Variants in CEMIP2 observed in about 807,000 individuals in gnomAD.
CEMIP2 encodes the protein cell migration inducing hyaluronidase 2.
A neutral mutation model predicts 146.9 loss-of-function variants in CEMIP2; 79 were observed. The ratio of observed to expected loss-of-function variants is 0.54; its 90% confidence interval spans 0.45 to 0.65. The LOEUF (loss-of-function observed/expected upper bound fraction) is 0.65, where lower values mean the gene tolerates loss of function less well. Ranked by LOEUF, CEMIP2 falls within the 30% of genes least tolerant of loss-of-function variation. The pLI, the probability that CEMIP2 is intolerant of heterozygous loss-of-function variation, is 0.00. For missense variants in CEMIP2, 1,596 were observed against 1,696.2 expected (o/e 0.94, Z 1.04); for synonymous variants, 601 against 606.3 (o/e 0.99, Z 0.13).
At chr9:71,698,253 CTT>C in intron 19 of CEMIP2, 49 bp from the exon 20 acceptor site, 1 of 1,550,296 alleles carries the variant, frequency 6.5e-7, no homozygotes, top group Admixed American at 1.8e-5. Flanking sequence ...TTCTCAAAAA[CTT>C]ACAAAATTCC....
chr9:71,747,950 A>G (rs1051980090), intron 2 of CEMIP2, among the ~76,000 whole-genome samples: 1 of 152,188 alleles, frequency 6.6e-6, no homozygotes, highest in African/African-American at 2.4e-5. Context: ...ATTATACTAA[A>G]AACAATCTTT....
intron 21 of CEMIP2, 130 bp from the exon 22 acceptor site, chr9:71,690,376 G>T: frequency 8.3e-7 from 1 of 1,200,742 alleles, no homozygotes; most frequent in Non-Finnish European, 1.1e-6. Flanking sequence ...GATTCAAATT[G>T]TGTGCTTCAC....
intron 5 of CEMIP2, among the ~76,000 whole-genome samples, chr9:71,738,878 A>G (rs1221742519): frequency 1.3e-5 from 2 of 152,120 alleles, no homozygotes; most frequent in Non-Finnish European, 2.9e-5. Context: ...TTTTGATTTG[A>G]AAGATCACTA....
intron 12 of CEMIP2, among the ~76,000 whole-genome samples, chr9:71,721,619 T>C (rs961577071): frequency 2.2e-4 from 34 of 152,244 alleles, no homozygotes; most frequent in African/African-American, 7.5e-4. Flanking sequence ...GTGTGCTTCC[T>C]ACTTGATTCT....
chr9:71,690,229 A>G lies in CEMIP2; in HGVS notation c.3714T>C (p.Phe1238=), dbSNP rs201316098. Reference sequence around the variant, plus strand: ...GGAGGACGCCTGCACTTCGGAAGGTAAAGTCAGTGCCATTGACCTGAGAAT... The same window carrying G: ...GGAGGACGCCTGCACTTCGGAAGGTGAAGTCAGTGCCATTGACCTGAGAAT... The part of the protein sequence containing the change: ...PSVISVNGTD[F]TFRSAGVLLL... The change falls in exon 22 of 24, where the codon TTT becomes TTC. Residue 1238 remains phenylalanine, a synonymous_variant. Transcript: ENST00000377044. The G allele has an allele frequency of 2.0e-4, 325 of 1,614,088 alleles. 2 individuals carry two copies. In the East Asian group the frequency reaches 2.4e-3, roughly 12 times the overall value.
chr9:71,762,627 C>T (rs1049343449), intron 1 of CEMIP2, among the ~76,000 whole-genome samples: 1 of 151,926 alleles, frequency 6.6e-6, no homozygotes, highest in African/African-American at 2.4e-5. Context: ...AGATTAAAGC[C>T]AACCTCAGAC....
chr9:71,690,322 T>C (rs1822192455), intron 21 of CEMIP2, 76 bp from the exon 22 acceptor site: 1 of 1,516,194 alleles, frequency 6.6e-7, no homozygotes, highest in Non-Finnish European at 9.0e-7. Context: ...TTTCCGGCCC[T>C]TTCCCTGTGT....
At chr9:71,724,676 T>A (rs1823331077) in intron 11 of CEMIP2, among the ~76,000 whole-genome samples, 1 of 152,090 alleles carries the variant, frequency 6.6e-6, no homozygotes, top group Admixed American at 6.5e-5. Flanking sequence ...AGAGCCAAAT[T>A]TCATGAAAAA....
Position 71,694,619 on chromosome 9 carries a change from A to G in CEMIP2, c.3598-12T>C, listed in dbSNP as rs368678567. ...CTAGTAAACACCACCTAGACAGAGA[A>G]GAAGTTCCATATTTATGGCAACTCT... On this transcript the variant is annotated splice_polypyrimidine_tract_variant and intron_variant, in intron 20 of 23. Transcript: ENST00000377044. 1,328 of 1,583,302 alleles carry G rather than the reference A, an allele frequency of 8.4e-4. 1 individual carries two copies. The highest frequency in any genetic ancestry group is 1.1e-3 in the Non-Finnish European group (1,276 of 1,152,436).
chr9:71,716,680 A>G (rs1261888627), intron 13 of CEMIP2, 128 bp from the exon 14 acceptor site: 1 of 652,338 alleles, frequency 1.5e-6, no homozygotes, highest in African/African-American at 1.9e-5. Flanking sequence ...TGACCACACA[A>G]AAATTTGATT....
At chr9:71,736,811 T>C (rs1402427046) in intron 5 of CEMIP2, among the ~76,000 whole-genome samples, 1 of 152,238 alleles carries the variant, frequency 6.6e-6, no homozygotes, top group Non-Finnish European at 1.5e-5. Flanking sequence ...TTTCAAAAGA[T>C]AGCTGTTTAA....
At chr9:71,756,931 T>C (rs1046436983) in intron 1 of CEMIP2, among the ~76,000 whole-genome samples, 5 of 152,220 alleles carry the variant, frequency 3.3e-5, no homozygotes, top group Non-Finnish European at 7.3e-5. Flanking sequence ...AGCCATTCAA[T>C]GCTGTGATCA....
intron 1 of CEMIP2, among the ~76,000 whole-genome samples, chr9:71,763,719 C>A (rs1041398887): frequency 6.6e-6 from 1 of 152,186 alleles, no homozygotes; most frequent in Non-Finnish European, 1.5e-5. Flanking sequence ...TACTAGGTTA[C>A]CCTAATATTA....
intron 7 of CEMIP2, 24 bp from the exon 8 acceptor site, chr9:71,730,938 A>C (rs772577442): frequency 6.2e-7 from 1 of 1,600,734 alleles, no homozygotes; most frequent in African/African-American, 1.3e-5. Flanking sequence ...TACTAAAATC[A>C]AACTCATACT....
At position 71,750,303 on chromosome 9, in the gene CEMIP2, G is replaced by A; in HGVS notation, c.71C>T (p.Pro24Leu). The A allele has an allele frequency of 6.2e-7, 1 of 1,613,848 alleles. No homozygotes were observed. Among genetic ancestry groups the A allele is most frequent in the South Asian group, 1.1e-5 (1 of 91,060 alleles). Residue 24 changes from proline to leucine, a missense_variant, in exon 2 of 24, where the codon CCA becomes CTA. By Grantham distance (98) the Pro-to-Leu change is moderately conservative. Transcript: ENST00000377044. ...LQPQNGNSRH[P>L]SGYVPGKVVP... ...AACCTTCCCTGGAACATAGCCAGAT[G>A]GGTGACGACTATTTCCATTCTGAGG... is the stretch of plus-strand genomic sequence containing the variant.
intron 5 of CEMIP2, among the ~76,000 whole-genome samples, chr9:71,737,377 TAGCCTGGGTGACAGAGCG>T (rs1267973431): frequency 1.4e-5 from 2 of 145,026 alleles, no homozygotes; most frequent in East Asian, 4.0e-4. Flanking sequence ...GCTTGAACCC[TAGCCTGGGTGACAGAGCG>T]AGACTCCGTC....
At chr9:71,728,227 C>CTA (rs1486826770) in intron 10 of CEMIP2, among the ~76,000 whole-genome samples, 269 of 18,694 alleles carry the variant, frequency 0.014, 6 homozygotes, top group Middle Eastern at 0.028. Context: ...CTCTCTCTCT[C>CTA]TCTCTATATA....
chr9:71,692,718 G>C (rs1822268845), intron 21 of CEMIP2, among the ~76,000 whole-genome samples: 1 of 152,082 alleles, frequency 6.6e-6, no homozygotes, highest in Non-Finnish European at 1.5e-5. Flanking sequence ...AGACTAGCCT[G>C]AGCAACACAG....
intron 17 of CEMIP2, 128 bp from the exon 18 acceptor site, chr9:71,704,931 T>A: frequency 1.2e-6 from 1 of 838,420 alleles, no homozygotes; most frequent in Non-Finnish European, 1.8e-6. Flanking sequence ...CCAGACTAAG[T>A]GAGCAGCAGC....
Sources: gnomAD v4.1 joint callset for allele counts (sites outside exome capture counted in the v4.1 genomes callset) on GRCh38, gnomAD v4.1.1 for gene constraint, MANE v1.5 for transcripts, NCBI Gene and HGNC (gene_info 2026-07-23, HGNC 2026-07-21) for gene names.